PNLDC1: variants seen among roughly 807,000 people sequenced by gnomAD.
The protein encoded by PNLDC1 is poly(A)-specific ribonuclease PNLDC1.
In PNLDC1, 70 loss-of-function variants were observed where a neutral mutation model predicts 82.0. The ratio of observed to expected loss-of-function variants is 0.85; its 90% CI spans 0.70 to 1.04. The LOEUF is 1.04. Among genes scored for constraint, PNLDC1 ranks in the 50% least tolerant of loss-of-function variants. PNLDC1 has a pLI of 0.00. For missense variants in PNLDC1, 631 were observed against 661.1 expected, an observed-to-expected ratio of 0.95 and a Z score of 0.50; for synonymous variants, 280 against 249.3, an observed-to-expected ratio of 1.12 and a Z score of -1.16.
At chr6:159,813,030 A>G (rs935508195) in intron 11 of PNLDC1, among the ~76,000 whole-genome samples, 1 of 116,406 alleles carries the variant, frequency 8.6e-6, no homozygotes, top group East Asian at 2.0e-4. Context: ...TCTCAAGGGG[A>G]AAAAAAACAA....
chr6:159,819,408 C>G lies in PNLDC1; in HGVS notation c.1532+56C>G. 7.0e-7 allele frequency: 1 copy of G among 1,426,616 alleles called. No homozygotes were observed. The highest frequency in any genetic ancestry group is 9.7e-7 in the Non-Finnish European group (1 of 1,029,584). The allele number at this position is 1,426,616 out of a possible 1,614,324, so 88.4% of individuals were successfully genotyped here. A position where few individuals can be genotyped will look rare whatever the true frequency, so the allele number is the denominator to read the frequency against. On this transcript the variant is annotated intron_variant, in intron 18 of 18. Coordinates refer to ENST00000392167, the MANE Select transcript of PNLDC1 (RefSeq NM_001271862.2). The surrounding 1 kb of genome is among the most constrained non-coding windows in gnomAD (Gnocchi z 4.6). The stretch of plus-strand genomic sequence containing the variant: ...CCTGGGGTCCTGGAGTGCCCGGGGT[C>G]CCAGCATCCCAGCATGGTCTGACTC...
rs781403811 is a variant in PNLDC1, at chr6:159,813,234, G to GC, written c.940-366dup. On this transcript the variant is annotated intron_variant, in intron 11 of 18. Transcript: ENST00000392167. ...TGAACTTTTAGGATTTAGTAACCAG[G>GC]CATTGCCCCAAAGCCCTCTAGGCCT... Among the ~76,000 whole-genome samples, 67 of 152,270 alleles carry GC rather than the reference G, an allele frequency of 4.4e-4. No individual in the cohort carries two copies. In the Middle Eastern group the frequency reaches 0.01, roughly 23 times the overall value.
Position 159,804,102 on chromosome 6 carries a change from G to A in PNLDC1, c.372+14G>A. 6.2e-7 allele frequency: 1 copy of A among 1,611,826 alleles called. No individual in the cohort carries two copies. Among genetic ancestry groups the A allele is most frequent in the Non-Finnish European group, 8.5e-7 (1 of 1,179,198 alleles). On this transcript the variant is annotated intron_variant, in intron 5 of 18. Coordinates refer to ENST00000392167, the MANE Select transcript of PNLDC1 (RefSeq NM_001271862.2). ...AACTATAACAAGGTATGGCATTGGA[G>A]GAGGGGAACGGGAATGTCTTTTGTT...
intron 18 of PNLDC1, 23 bp from the exon 19 acceptor site, chr6:159,820,431 T>A: frequency 6.2e-7 from 1 of 1,613,740 alleles, no homozygotes; most frequent in Non-Finnish European, 8.5e-7. Context: ...CCCCGGCCAC[T>A]GACACGTGTC....
intron 9 of PNLDC1, among the ~76,000 whole-genome samples, chr6:159,809,445 T>C (rs1411752664): frequency 7.7e-6 from 1 of 129,896 alleles, no homozygotes; most frequent in East Asian, 2.0e-4. Context: ...CCACCATACC[T>C]GGCTAATTTT....
At chr6:159,818,454 A>G (rs1172402193) in intron 15 of PNLDC1, 101 bp from the exon 16 acceptor site, 5 of 1,060,708 alleles carry the variant, frequency 4.7e-6, no homozygotes, top group Non-Finnish European at 7.2e-6. Context: ...GAGCCGTCCG[A>G]GGGAGTGTCC....
Position 159,819,376 on chromosome 6 carries a change from T to G in PNLDC1, c.1532+24T>G, listed in dbSNP as rs1162776651. 6.3e-7 allele frequency: 1 copy of G among 1,599,784 alleles called. No homozygotes were observed. The highest frequency in any genetic ancestry group is 1.1e-5 in the South Asian group (1 of 90,712). The stretch of plus-strand genomic sequence containing the variant: ...CAGTAAGTGACAGGCTGAGGCCACC[T>G]GCCTGTCCTGGGGTCCTGGAGTGCC... On this transcript the variant is annotated intron_variant, in intron 18 of 18. Coordinates refer to ENST00000392167, the MANE Select transcript of PNLDC1 (RefSeq NM_001271862.2). The surrounding 1 kb of genome is among the most constrained non-coding windows in gnomAD (Gnocchi z 4.6).
upstream of PNLDC1, among the ~76,000 whole-genome samples, chr6:159,799,994 C>T (rs867631663): frequency 2.0e-5 from 3 of 152,166 alleles, no homozygotes; most frequent in African/African-American, 4.8e-5. Context: ...TCTCCTGCCA[C>T]GCCTCTTAAC....
At chr6:159,809,582 C>G (rs959444061) in intron 9 of PNLDC1, among the ~76,000 whole-genome samples, 2 of 151,982 alleles carry the variant, frequency 1.3e-5, no homozygotes, top group Admixed American at 1.3e-4. Context: ...GCATGAGCCA[C>G]TGCACCTGGC....
In PNLDC1 at chr6:159,819,477, T is replaced by C. The variant is rs541151312; in HGVS notation, c.1532+125T>C. 3.7e-6 allele frequency: 3 copies of C among 808,102 alleles called. No individual in the cohort carries two copies. The East Asian group carries it at 8.0e-5, about 22-fold the overall frequency. 50.1% of individuals were successfully genotyped at this position (808,102 alleles called of 1,614,324 possible). A position where few individuals can be genotyped will look rare whatever the true frequency, so the allele number is the denominator to read the frequency against. ...GGTGTGTGTTGCCAAGGGGGTTGTG[T>C]TGACGAGTGTGGTGCCCTGAATGTC... On this transcript the variant is annotated intron_variant, in intron 18 of 18. Transcript: ENST00000392167. This position sits in a 1 kb window ranked among gnomAD's most constrained non-coding sequence, Gnocchi z 4.6.
Position 159,819,885 on chromosome 6 carries a change from G to A in PNLDC1, c.1532+533G>A, listed in dbSNP as rs573387712. On this transcript the variant is annotated intron_variant, in intron 18 of 18. Transcript: ENST00000392167. This position sits in a 1 kb window ranked among gnomAD's most constrained non-coding sequence, Gnocchi z 4.6. ...GAGAAGGAACCAGTGCCCCCCAGCT[G>A]GGGGCCACCCAGGGAGGACGTGGGC... Among the ~76,000 whole-genome samples the A allele has an allele frequency of 6.6e-6, 1 of 152,234 alleles. No homozygotes were observed. The highest frequency in any genetic ancestry group is 1.9e-4 in the East Asian group (1 of 5,154).
In PNLDC1 at chr6:159,819,937, A is replaced by C. The variant is rs1187740833; in HGVS notation, c.1533-517A>C. Among the ~76,000 whole-genome samples the C allele has an allele frequency of 6.6e-6, 1 of 152,096 alleles. No individual in the cohort carries two copies. The highest frequency in any genetic ancestry group is 1.5e-5 in the Non-Finnish European group (1 of 68,016). ...TCTCTCAGGAGAGAGGGAATCGCGG[A>C]AGTTACAGCAAGAAGGTCTATAACC... On this transcript the variant is annotated intron_variant, in intron 18 of 18. Transcript: ENST00000392167. This position sits in a 1 kb window ranked among gnomAD's most constrained non-coding sequence, Gnocchi z 4.6.
Position 159,800,338 on chromosome 6 carries a change from A to G in PNLDC1, c.31A>G (p.Ser11Gly), listed in dbSNP as rs1781192428. The stretch of plus-strand genomic sequence containing the variant: ...CGTGGGCGCCGACGAGTTCGAGGAG[A>G]GCCTCCCTCTGCTGCAGGAGCTCGT... MDVGADEFEE[S>G]LPLLQELVQE... The change falls in exon 1 of 19, where the codon AGC (serine) becomes GGC (glycine). Residue 11 changes from serine to glycine, a missense_variant. Transcript: ENST00000392167. The G allele has an allele frequency of 6.5e-7, 1 of 1,546,650 alleles. No homozygotes were observed. The highest frequency in any genetic ancestry group is 2.5e-5 in the East Asian group (1 of 40,766).
At chr6:159,806,177 C>T (rs1397978224) in intron 7 of PNLDC1, 94 bp downstream of exon 7, 2 of 965,908 alleles carry the variant, frequency 2.1e-6, no homozygotes, top group Non-Finnish European at 3.3e-6. Flanking sequence ...TCTTGGGATC[C>T]TGGTCCCAAG....
chr6:159,811,143 A>T (rs1781632522), intron 10 of PNLDC1, among the ~76,000 whole-genome samples: 1 of 152,174 alleles, frequency 6.6e-6, no homozygotes, highest in Non-Finnish European at 1.5e-5. Context: ...AAGGAAAAGA[A>T]CTGCGAGTGG....
upstream of PNLDC1, chr6:159,800,202 G>A (rs1233847641): frequency 4.4e-6 from 5 of 1,134,594 alleles, no homozygotes; most frequent in Non-Finnish European, 6.2e-6. Context: ...CAGCTGCCTG[G>A]TTTCCATGTG....
chr6:159,816,260 A>T (rs569616146), intron 13 of PNLDC1, among the ~76,000 whole-genome samples: 1 of 130,428 alleles, frequency 7.7e-6, no homozygotes, highest in Non-Finnish European at 1.6e-5. Context: ...TGCTTACTCC[A>T]TGTAACTCCT....
chr6:159,818,923 C>G (rs1562507898), intron 16 of PNLDC1, 23 bp from the exon 17 acceptor site: 1 of 1,610,834 alleles, frequency 6.2e-7, no homozygotes, highest in Non-Finnish European at 8.5e-7. Flanking sequence ...TGGAAAATCT[C>G]TTGTGTTCTG....
Position 159,819,271 on chromosome 6 carries a change from A to G in PNLDC1, c.1451A>G (p.Lys484Arg), listed in dbSNP as rs144221681. 7.9e-5 allele frequency: 128 copies of G among 1,613,898 alleles called. 1 individual carries two copies. In the African/African-American group the frequency reaches 1.6e-3, roughly 20 times the overall value. ...TTTGGCAGTGCGCGGAACATCCTGA[A>G]GGAGTACCGGGACCACCCGACCCTG... ...NKFKDARNILKEYRDHPTLCI... is the reference protein window; with the variant it reads ...NKFKDARNILREYRDHPTLCI... The change falls in exon 18 of 19, where the codon AAG becomes AGG. Residue 484 changes from lysine to arginine, a missense_variant. Lys to Arg is a conservative substitution (Grantham distance 26). Coordinates refer to ENST00000392167, the MANE Select transcript of PNLDC1 (RefSeq NM_001271862.2). This position sits in a 1 kb window ranked among gnomAD's most constrained non-coding sequence, Gnocchi z 4.6.
Sources: gnomAD v4.1 joint callset for allele counts (sites outside exome capture counted in the v4.1 genomes callset) on GRCh38, gnomAD v4.1.1 for gene constraint, Gnocchi (gnomAD v3.1) non-coding constraint, MANE v1.5 for transcripts, NCBI Gene and HGNC (gene_info 2026-07-23, HGNC 2026-07-21) for gene names.